ENO4: variants seen among roughly 807,000 people sequenced by gnomAD.
The protein encoded by ENO4 is 2-phospho-D-glycerate hydro-lyase.
Under a neutral mutation model 63.2 loss-of-function variants are expected in ENO4, and 53 were observed. The ratio of observed to expected loss-of-function variants is 0.84; its 90% CI spans 0.67 to 1.05. ENO4 has a LOEUF of 1.05. Ranked by LOEUF, ENO4 falls within the 50% of genes least tolerant of loss-of-function variation. The pLI, the probability that ENO4 is intolerant of heterozygous loss-of-function variation, is 0.00. For synonymous variants in ENO4, 266 were observed against 283.8 expected, an observed-to-expected ratio of 0.94 and a Z score of 0.63; for missense variants, 719 against 772.0, an observed-to-expected ratio of 0.93 and a Z score of 0.81.
chr10:116,884,214 G>A (rs772142341), downstream of ENO4: 50 of 457,030 alleles, frequency 1.1e-4, no homozygotes, highest in Non-Finnish European at 1.8e-4. Context: ...ATATAAGCAC[G>A]GTTCTCCTAT....
At chr10:116,874,448 G>T (rs1564851871) in intron 10 of ENO4, among the ~76,000 whole-genome samples, 2 of 152,150 alleles carry the variant, frequency 1.3e-5, no homozygotes, top group East Asian at 3.9e-4. Flanking sequence ...AATTACCTAG[G>T]AGTGTGCCTG....
At position 116,855,898 on chromosome 10, in the gene ENO4, C is replaced by A. The variant is rs993744966; in HGVS notation, c.294+147C>A. ...GGTAGTCATGTAAGCATGAATCATACCATCAACCATGATGGCTTTATTATG... is the reference window on the plus strand; with the variant it reads ...GGTAGTCATGTAAGCATGAATCATAACATCAACCATGATGGCTTTATTATG... On this transcript the variant is annotated intron_variant, in intron 2 of 13. Transcript: ENST00000341276. 3.5e-5 allele frequency: 33 copies of A among 931,956 alleles called. No individual in the cohort carries two copies. The African/African-American group carries it at 5.4e-4, about 15-fold the overall frequency. 57.7% of individuals were successfully genotyped at this position (931,956 alleles called of 1,614,324 possible).
chr10:116,854,010 G>T (rs1258621507), intron 1 of ENO4, among the ~76,000 whole-genome samples: 1 of 152,120 alleles, frequency 6.6e-6, no homozygotes, highest in Non-Finnish European at 1.5e-5. Flanking sequence ...CTGCTCCTCT[G>T]CACAGAAACA....
chr10:116,895,374 CAGCCCTTTAT>C (rs1386538106), intron 10 of ENO4, among the ~76,000 whole-genome samples: 2 of 152,210 alleles, frequency 1.3e-5, no homozygotes, highest in Admixed American at 1.3e-4. Context: ...TTTTGAAGCA[CAGCCCTTTAT>C]TGGACATTTG....
chr10:116,885,122 A>C (rs1403556452), downstream of ENO4: 1 of 152,628 alleles, frequency 6.6e-6, no homozygotes, highest in Middle Eastern at 3.2e-3. Context: ...CACGTGCAAA[A>C]ATACAATACA....
chr10:116,874,714 C>T (rs978327769), intron 10 of ENO4, among the ~76,000 whole-genome samples: 2 of 152,204 alleles, frequency 1.3e-5, no homozygotes, highest in African/African-American at 4.8e-5. Context: ...ACTCTGTCAC[C>T]TAGGCTGGAG....
chr10:116,895,803 G>A (rs1847496777), intron 10 of ENO4, among the ~76,000 whole-genome samples: 1 of 152,204 alleles, frequency 6.6e-6, no homozygotes, highest in South Asian at 2.1e-4. Flanking sequence ...TCAGTTAGAA[G>A]TGTAATTTTG....
At chr10:116,852,673 T>C (rs1424237421) in intron 1 of ENO4, among the ~76,000 whole-genome samples, 1 of 152,184 alleles carries the variant, frequency 6.6e-6, no homozygotes, top group Non-Finnish European at 1.5e-5. Flanking sequence ...CATCATGCTG[T>C]GAGGATGTCC....
intron 10 of ENO4, among the ~76,000 whole-genome samples, chr10:116,875,856 T>C (rs1846817239): frequency 6.6e-6 from 1 of 152,204 alleles, no homozygotes; most frequent in South Asian, 2.1e-4. Flanking sequence ...ATAAAACCTT[T>C]AAGCTCAAAT....
rs117371715 is a variant in ENO4, at chr10:116,873,452, T to C, written c.1216-624T>C. 8.2e-3 allele frequency among the ~76,000 whole-genome samples: 1,251 copies of C among 152,328 alleles called. 5 individuals carry two copies. Among genetic ancestry groups the C allele is most frequent in the Non-Finnish European group, 0.012 (845 of 68,030 alleles). ...TAGATCCTTCAGCCCTGTTTACTTCTATACTTAATGACTTAGGGGCTTTCC... is the reference window on the plus strand; with the variant it reads ...TAGATCCTTCAGCCCTGTTTACTTCCATACTTAATGACTTAGGGGCTTTCC... On this transcript the variant is annotated intron_variant, in intron 9 of 13. Transcript: ENST00000341276.
At chr10:116,889,136 G>T (rs755089019) in intron 10 of ENO4, among the ~76,000 whole-genome samples, 1 of 152,200 alleles carries the variant, frequency 6.6e-6, no homozygotes, top group Admixed American at 6.5e-5. Flanking sequence ...TTCCATGCTC[G>T]TGTGTGTCTG....
chr10:116,878,376 A>G (rs1345417114), intron 11 of ENO4, among the ~76,000 whole-genome samples: 1 of 152,206 alleles, frequency 6.6e-6, no homozygotes, highest in African/African-American at 2.4e-5. Flanking sequence ...GAGGCAATGC[A>G]AACACCGTTG....
chr10:116,894,425 G>C (rs761106935), intron 10 of ENO4, among the ~76,000 whole-genome samples: 1 of 152,138 alleles, frequency 6.6e-6, no homozygotes, highest in Non-Finnish European at 1.5e-5. Context: ...CTGCCTGTCT[G>C]GCAGTTAAAA....
At chr10:116,884,179 C>T (rs573466877), downstream of ENO4, 18 of 456,010 alleles carry the variant, frequency 3.9e-5, no homozygotes, top group South Asian at 2.6e-4. Flanking sequence ...TTTGTGTGTG[C>T]AATAGCTATG....
At chr10:116,902,986 T>G (rs1016597328) in intron 10 of ENO4, among the ~76,000 whole-genome samples, 4 of 152,182 alleles carry the variant, frequency 2.6e-5, no homozygotes, top group African/African-American at 9.7e-5. Context: ...CCTGATATAC[T>G]CAGTATAATA....
chr10:116,849,856 C>G lies in ENO4; in HGVS notation c.165+125C>G. On this transcript the variant is annotated intron_variant, in intron 1 of 13. Transcript: ENST00000341276. The stretch of plus-strand genomic sequence containing the variant: ...CATGCCAGCCGCCCGGGCCCTGGGC[C>G]TGCGTGTGCGGAGGAGACTTCTGGA... The G allele has an allele frequency of 2.7e-6, 3 of 1,130,498 alleles. No individual in the cohort carries two copies. The South Asian group carries it at 4.3e-5, about 16-fold the overall frequency. The allele number at this position is 1,130,498 out of a possible 1,614,324, so 70.0% of individuals were successfully genotyped here. A position where few individuals can be genotyped will look rare whatever the true frequency, so the allele number is the denominator to read the frequency against.
chr10:116,885,459 AC>A (rs1478439374), downstream of ENO4: 3 of 152,612 alleles, frequency 2.0e-5, no homozygotes, highest in South Asian at 2.1e-4. Context: ...TTTAAAAAAA[AC>A]AACAACAAAC....
chr10:116,899,071 C>G (rs1429277792), intron 10 of ENO4, among the ~76,000 whole-genome samples: 2 of 151,968 alleles, frequency 1.3e-5, no homozygotes, highest in East Asian at 3.9e-4. Flanking sequence ...TTCATTTATT[C>G]AAAAAGAATT....
At chr10:116,880,057 T>A in intron 13 of ENO4, 71 bp downstream of exon 13, 1 of 1,206,912 alleles carries the variant, frequency 8.3e-7, no homozygotes. Flanking sequence ...AGAGGGGGAA[T>A]AGAAGTCCCT....
Sources: allele counts gnomAD v4.1 joint callset (sites outside exome capture counted in the v4.1 genomes callset), GRCh38; gene constraint gnomAD v4.1.1; transcripts MANE v1.5; gene names NCBI Gene and HGNC (gene_info 2026-07-23, HGNC 2026-07-21).